The following COQ8B variants were observed in gnomAD, a reference collection of about 807,000 sequenced individuals.
COQ8B encodes the protein atypical kinase COQ8B, mitochondrial.
A neutral mutation model predicts 62.0 loss-of-function variants in COQ8B; 44 were observed. The observed-to-expected ratio is 0.71, with a 90% CI of 0.56 to 0.91. The LOEUF is 0.91. Ranked by LOEUF, COQ8B falls within the 40% of genes least tolerant of loss-of-function variation. COQ8B has a pLI of 0.00. For synonymous variants in COQ8B, 252 were observed against 289.9 expected, an observed-to-expected ratio of 0.87 and a Z score of 1.33; for missense variants, 649 against 731.6, an observed-to-expected ratio of 0.89 and a Z score of 1.30.
intron 14 of COQ8B, among the ~76,000 whole-genome samples, chr19:40,692,625 A>G (rs745605508): frequency 5.3e-5 from 8 of 152,000 alleles, no homozygotes; most frequent in Non-Finnish European, 1.0e-4. Context: ...TACTCTCTCT[A>G]CAACAGAGAA....
intron 1 of COQ8B, chr19:40,715,425 C>G: frequency 2.0e-6 from 2 of 985,676 alleles, no homozygotes; most frequent in Non-Finnish European, 2.4e-6. Flanking sequence ...AATATCTTGC[C>G]AACCCCCCTT....
At chr19:40,713,548 C>CAA (rs59738172) in intron 4 of COQ8B, among the ~76,000 whole-genome samples, 2 of 90,334 alleles carry the variant, frequency 2.2e-5, no homozygotes, top group Non-Finnish European at 2.4e-5. Context: ...TACTCCGTCT[C>CAA]AAAAAAAAAA....
intron 3 of COQ8B, 54 bp downstream of exon 3, chr19:40,714,224 C>G (rs1374888489): frequency 1.2e-6 from 2 of 1,604,954 alleles, no homozygotes; most frequent in South Asian, 1.1e-5. Flanking sequence ...TCCCCAAGCT[C>G]AGGGGGCCAG....
At chr19:40,700,199 A>T in intron 11 of COQ8B, 25 bp from the exon 12 acceptor site, 1 of 1,614,048 alleles carries the variant, frequency 6.2e-7, no homozygotes, top group South Asian at 1.1e-5. Context: ...ATTAACAGGC[A>T]TCTCAGTGTG....
chr19:40,697,845 T>G (rs1560156), intron 12 of COQ8B, among the ~76,000 whole-genome samples: 11,350 of 52,074 alleles, frequency 0.22, 718 homozygotes, highest in East Asian at 0.28. Context: ...TATATATATA[T>G]ATATATAGAG....
At chr19:40,695,852 T>C in intron 13 of COQ8B, 137 bp downstream of exon 13, 1 of 867,052 alleles carries the variant, frequency 1.2e-6, no homozygotes, top group South Asian at 1.5e-5. Flanking sequence ...GCTTGGTGTG[T>C]GCTAGTTGCT....
intron 5 of COQ8B, among the ~76,000 whole-genome samples, chr19:40,707,226 G>A (rs1309753899): frequency 6.6e-6 from 1 of 150,970 alleles, no homozygotes; most frequent in Non-Finnish European, 1.5e-5. Flanking sequence ...CCGTGATCCC[G>A]CCACCGCACT....
intron 13 of COQ8B, among the ~76,000 whole-genome samples, chr19:40,695,240 C>A (rs2082004785): frequency 6.6e-6 from 1 of 150,892 alleles, no homozygotes; most frequent in South Asian, 2.1e-4. Context: ...ATCGCTTGAA[C>A]CCAGGAGGTG....
intron 13 of COQ8B, among the ~76,000 whole-genome samples, chr19:40,695,341 G>GAAAAAAAAAGAA (rs1253704325): frequency 6.7e-6 from 1 of 150,348 alleles, no homozygotes; most frequent in Non-Finnish European, 1.5e-5. Context: ...AAAAAGAAAA[G>GAAAAAAAAAGAA]AAAAAAAAGG....
chr19:40,714,266 G>A lies in COQ8B; in HGVS notation c.222+12C>T, dbSNP rs2082167082. On this transcript the variant is annotated intron_variant, in intron 3 of 14. Coordinates refer to ENST00000324464, the MANE Select transcript of COQ8B (RefSeq NM_024876.4). ...TCGTGGGGTGTTGCTGGGTGGGTGG[G>A]GGTAATGATACCTGGGGCCGGGGTG... The A allele has an allele frequency of 1.2e-6, 2 of 1,610,142 alleles. No homozygotes were observed. Among genetic ancestry groups the A allele is most frequent in the Non-Finnish European group, 8.5e-7 (1 of 1,177,834 alleles).
chr19:40,692,897 C>T (rs183955699), intron 14 of COQ8B, 54 bp downstream of exon 14: 1 of 1,531,584 alleles, frequency 6.5e-7, no homozygotes, highest in Admixed American at 1.7e-5. Flanking sequence ...AAGCAGCCCC[C>T]CACTGCACCC....
intron 4 of COQ8B, among the ~76,000 whole-genome samples, chr19:40,710,695 G>A (rs1428877906): frequency 6.6e-6 from 1 of 152,100 alleles, no homozygotes; most frequent in Non-Finnish European, 1.5e-5. Context: ...AGCCCTGGCT[G>A]CACATTCCAG....
intron 1 of COQ8B, chr19:40,715,412 A>C: frequency 2.0e-6 from 2 of 985,652 alleles, no homozygotes; most frequent in East Asian, 1.1e-4. Flanking sequence ...TCTCTTCTGC[A>C]CGAATATCTT....
intron 5 of COQ8B, among the ~76,000 whole-genome samples, chr19:40,709,737 G>A (rs1333893545): frequency 1.3e-5 from 2 of 152,132 alleles, no homozygotes; most frequent in African/African-American, 4.8e-5. Context: ...AGCTACTTGG[G>A]AGGCTGAGGC....
chr19:40,706,594 G>A (rs996787686), intron 5 of COQ8B, among the ~76,000 whole-genome samples: 7 of 152,078 alleles, frequency 4.6e-5, no homozygotes, highest in African/African-American at 1.7e-4. Flanking sequence ...TGAGTAGCTG[G>A]GACTACAGGT....
chr19:40,711,137 A>G (rs1338566176), intron 4 of COQ8B, among the ~76,000 whole-genome samples: 1 of 151,710 alleles, frequency 6.6e-6, no homozygotes, highest in Non-Finnish European at 1.5e-5. Flanking sequence ...GTCTCAAAAA[A>G]AAAAAAAAAA....
chr19:40,714,935 C>G, intron 1 of COQ8B: 1 of 1,162,088 alleles, frequency 8.6e-7, no homozygotes, highest in Non-Finnish European at 1.1e-6. Flanking sequence ...CTGAAACCCC[C>G]CTCGTTGCTA....
chr19:40,699,757 G>A (rs980560170), intron 12 of COQ8B, among the ~76,000 whole-genome samples: 3 of 152,206 alleles, frequency 2.0e-5, no homozygotes, highest in Non-Finnish European at 4.4e-5. Flanking sequence ...GAAGTGCTAT[G>A]TCCATTGCCC....
At chr19:40,696,173 G>A in intron 12 of COQ8B, 119 bp from the exon 13 acceptor site, 1 of 1,114,374 alleles carries the variant, frequency 9.0e-7, no homozygotes, top group Non-Finnish European at 1.4e-6. Flanking sequence ...CAGAGTCCCT[G>A]CCTGGCTGCC....
Sources: allele counts gnomAD v4.1 joint callset (sites outside exome capture counted in the v4.1 genomes callset), GRCh38; gene constraint gnomAD v4.1.1; transcripts MANE v1.5; gene names NCBI Gene and HGNC (gene_info 2026-07-23, HGNC 2026-07-21).